The following CNBD1 variants were observed in gnomAD, a reference collection of about 807,000 sequenced individuals.
CNBD1 encodes the protein cyclic nucleotide binding domain containing 1, also known as cyclic nucleotide-binding domain-containing protein 1.
In CNBD1, 71 loss-of-function variants were observed where a neutral mutation model predicts 54.4. That is an observed-to-expected ratio of 1.30 (90% CI 1.08 to 1.59). CNBD1 has a LOEUF of 1.59. CNBD1 is among the 40% of genes most tolerant of loss of function. The pLI, the probability that CNBD1 is intolerant of heterozygous loss-of-function variation, is 0.00. For synonymous variants in CNBD1, 182 were observed against 170.7 expected, an observed-to-expected ratio of 1.07 and a Z score of -0.51; for missense variants, 659 against 518.0, an observed-to-expected ratio of 1.27 and a Z score of -2.64.
intron 4 of CNBD1, among the ~76,000 whole-genome samples, chr8:87,198,766 C>T (rs1014027760): frequency 1.3e-5 from 2 of 152,172 alleles, no homozygotes; most frequent in Non-Finnish European, 2.9e-5. Context: ...GGAATATGGA[C>T]TTTACAGAAT....
intron 4 of CNBD1, among the ~76,000 whole-genome samples, chr8:87,054,871 T>C (rs925403730): frequency 2.0e-5 from 3 of 152,106 alleles, no homozygotes; most frequent in African/African-American, 4.8e-5. Context: ...GTTGATAAAG[T>C]CCTCTCAAGA....
chr8:87,361,599 A>G (rs143679297), intron 10 of CNBD1, among the ~76,000 whole-genome samples: 4 of 151,680 alleles, frequency 2.6e-5, no homozygotes, highest in Admixed American at 6.6e-5. Context: ...TACTCCAGTT[A>G]TAGGAAATTT....
chr8:86,950,295 C>T (rs1348512785), intron 4 of CNBD1, among the ~76,000 whole-genome samples: 1 of 151,956 alleles, frequency 6.6e-6, no homozygotes, highest in Non-Finnish European at 1.5e-5. Flanking sequence ...GTCTTGAACT[C>T]CTCACCTCAT....
chr8:87,057,437 C>A (rs1320787105), intron 4 of CNBD1, among the ~76,000 whole-genome samples: 3 of 152,264 alleles, frequency 2.0e-5, no homozygotes, highest in Middle Eastern at 3.4e-3. Flanking sequence ...TCCCACTGGG[C>A]CCCTGCCATG....
intron 4 of CNBD1, among the ~76,000 whole-genome samples, chr8:87,018,846 A>C (rs1172843903): frequency 6.6e-6 from 1 of 152,190 alleles, no homozygotes; most frequent in African/African-American, 2.4e-5. Flanking sequence ...AAATTAAAAC[A>C]AAATCAAACC....
chr8:86,975,632 A>C (rs939942250), intron 4 of CNBD1, among the ~76,000 whole-genome samples: 7 of 152,026 alleles, frequency 4.6e-5, no homozygotes, highest in Admixed American at 1.3e-4. Context: ...TTATCCATTG[A>C]TGAGCACTTC....
At chr8:87,418,878 T>G (rs1807879801) in intron 2 of CNBD1, among the ~76,000 whole-genome samples, 1 of 151,942 alleles carries the variant, frequency 6.6e-6, no homozygotes, top group Non-Finnish European at 1.5e-5. Flanking sequence ...TGCAGCTGTT[T>G]TGGAAAATAC....
rs561937496 is a variant in CNBD1 at position 87,209,489 on chromosome 8, A to G, written c.577+3351A>G. On this transcript the variant is annotated intron_variant, in intron 5 of 10. Coordinates refer to ENST00000518476, the MANE Select transcript of CNBD1 (RefSeq NM_173538.3). ...AGGAAGTGAAAGACCTGTAAACTGT[A>G]AACTAGAAAATATTGATAAAAGAAA... Among the ~76,000 whole-genome samples the G allele has an allele frequency of 8.5e-5, 13 of 152,320 alleles. No homozygotes were observed. The East Asian group carries it at 2.5e-3, about 29-fold the overall frequency.
chr8:87,426,204 C>T (rs1448465388), intron 2 of CNBD1, among the ~76,000 whole-genome samples: 2 of 152,214 alleles, frequency 1.3e-5, no homozygotes, highest in Admixed American at 1.3e-4. Flanking sequence ...ACCCACTGAC[C>T]TGCGCCCGCT....
intron 8 of CNBD1, among the ~76,000 whole-genome samples, chr8:87,333,192 G>A (rs1435950763): frequency 1.3e-5 from 2 of 151,994 alleles, no homozygotes; most frequent in African/African-American, 4.8e-5. Context: ...TTGATGTATA[G>A]GAATGCTTGT....
intron 6 of CNBD1, 117 bp from the exon 7 acceptor site, chr8:87,284,561 C>A (rs1808655833): frequency 2.5e-6 from 2 of 810,568 alleles, no homozygotes; most frequent in South Asian, 2.4e-5. Context: ...CATGCAGAGA[C>A]AGTTTAGAAC....
In CNBD1 at chr8:87,079,871, G is replaced by C. The variant is rs541837395; in HGVS notation, c.432-126122G>C. On this transcript the variant is annotated intron_variant, in intron 4 of 10. Coordinates refer to ENST00000518476, the MANE Select transcript of CNBD1 (RefSeq NM_173538.3). Reference sequence around the variant, plus strand: ...TTTTCTGTTATGCTTTGTGATATTTGTGTTGTAATTAAGAAATACTTGGCT... The same window carrying C: ...TTTTCTGTTATGCTTTGTGATATTTCTGTTGTAATTAAGAAATACTTGGCT... 1.8e-4 allele frequency among the ~76,000 whole-genome samples: 27 copies of C among 152,164 alleles called. 1 individual carries two copies. The South Asian group carries it at 5.6e-3, about 32-fold the overall frequency.
intron 1 of CNBD1, among the ~76,000 whole-genome samples, chr8:86,873,956 C>T (rs1362132258): frequency 6.6e-6 from 1 of 152,128 alleles, no homozygotes; most frequent in African/African-American, 2.4e-5. Flanking sequence ...CTATCAAGAT[C>T]AGGAAAATTA....
At chr8:87,396,008 A>T (rs1359734056) in intron 2 of CNBD1, among the ~76,000 whole-genome samples, 1 of 151,942 alleles carries the variant, frequency 6.6e-6, no homozygotes, top group African/African-American at 2.4e-5. Context: ...AGCCCTGAAG[A>T]ACTGTGAGTC....
Position 86,939,580 on chromosome 8 carries a change from A to T in CNBD1, c.273-16A>T. The T allele has an allele frequency of 6.4e-7, 1 of 1,554,816 alleles. No homozygotes were observed. The highest frequency in any genetic ancestry group is 8.7e-7 in the Non-Finnish European group (1 of 1,151,038). On this transcript the variant is annotated splice_polypyrimidine_tract_variant and intron_variant, in intron 3 of 10. Transcript: ENST00000518476. ...GCAGTATACAACAGCATAAAATACT[A>T]TATTTTCTTGTTCAGGGAACTCAAT...
At chr8:87,099,791 C>T (rs1318459706) in intron 4 of CNBD1, among the ~76,000 whole-genome samples, 1 of 152,092 alleles carries the variant, frequency 6.6e-6, no homozygotes, top group Non-Finnish European at 1.5e-5. Flanking sequence ...CTAACAGACT[C>T]TTAAGTGGAG....
In CNBD1 at chr8:87,149,721, T is replaced by G. The variant is rs560255556; in HGVS notation, c.432-56272T>G. Among the ~76,000 whole-genome samples the G allele has an allele frequency of 3.3e-5, 5 of 152,238 alleles. No homozygotes were observed. The East Asian group carries it at 9.7e-4, about 29-fold the overall frequency. On this transcript the variant is annotated intron_variant, in intron 4 of 10. Coordinates refer to ENST00000518476, the MANE Select transcript of CNBD1 (RefSeq NM_173538.3). ...CGTGGACTCTTGTAAAGGGATATGATGTGTCTTTCTCTTAGCAAGTCAAAC... is the reference window on the plus strand; with the variant it reads ...CGTGGACTCTTGTAAAGGGATATGAGGTGTCTTTCTCTTAGCAAGTCAAAC...
chr8:87,281,987 T>G (rs1408014224), intron 6 of CNBD1, among the ~76,000 whole-genome samples: 2 of 138,816 alleles, frequency 1.4e-5, no homozygotes, highest in Non-Finnish European at 1.6e-5. Context: ...TTTTTGGTAT[T>G]TTTCAATAAC....
At chr8:86,980,863 A>C (rs1808471366) in intron 4 of CNBD1, among the ~76,000 whole-genome samples, 1 of 152,176 alleles carries the variant, frequency 6.6e-6, no homozygotes, top group African/African-American at 2.4e-5. Flanking sequence ...TCTGGAGCAC[A>C]AACTTAGGAT....
Sources: gnomAD v4.1 joint callset for allele counts (sites outside exome capture counted in the v4.1 genomes callset) on GRCh38, gnomAD v4.1.1 for gene constraint, MANE v1.5 for transcripts, NCBI Gene and HGNC (gene_info 2026-07-23, HGNC 2026-07-21) for gene names.